Variants in IMMP2L observed in about 807,000 individuals in gnomAD.
IMMP2L encodes mitochondrial inner membrane protease subunit 2.
IMMP2L carries 18 observed loss-of-function variants against 19.3 expected under a neutral mutation model. The ratio of observed to expected loss-of-function variants is 0.93; its 90% confidence interval spans 0.64 to 1.38. The LOEUF (loss-of-function observed/expected upper bound fraction) is 1.38. Among genes scored for constraint, IMMP2L ranks in the 40% most tolerant of loss-of-function variants. The pLI, the probability that IMMP2L is intolerant of heterozygous loss-of-function variation, is 0.00. For missense variants in IMMP2L, 233 were observed against 218.2 expected, an observed-to-expected ratio of 1.07 and a Z score of -0.43; for synonymous variants, 76 against 73.0, an observed-to-expected ratio of 1.04 and a Z score of -0.21.
At chr7:111,072,086 A>C (rs556030806) in intron 3 of IMMP2L, among the ~76,000 whole-genome samples, 1 of 152,294 alleles carries the variant, frequency 6.6e-6, no homozygotes, top group East Asian at 1.9e-4. Flanking sequence ...CTTACAACTC[A>C]TTGTTGGGAA....
At chr7:110,987,716 G>A (rs1822006358) in intron 3 of IMMP2L, among the ~76,000 whole-genome samples, 1 of 152,164 alleles carries the variant, frequency 6.6e-6, no homozygotes, top group African/African-American at 2.4e-5. Flanking sequence ...GTGTGCAGGT[G>A]TCGAAATGTC....
At chr7:111,104,833 A>G in intron 3 of IMMP2L, among the ~76,000 whole-genome samples, 1 of 151,800 alleles carries the variant, frequency 6.6e-6, no homozygotes, top group South Asian at 2.1e-4. Context: ...GGCAAAATCT[A>G]TTTAGAACGA....
At chr7:110,883,873 A>G (rs1353492475) in intron 5 of IMMP2L, among the ~76,000 whole-genome samples, 1 of 151,566 alleles carries the variant, frequency 6.6e-6, no homozygotes, top group Non-Finnish European at 1.5e-5. Context: ...TGATAGAAAA[A>G]CTTCAAAGTG....
chr7:111,344,266 C>A (rs1827314925), intron 3 of IMMP2L, among the ~76,000 whole-genome samples: 1 of 152,158 alleles, frequency 6.6e-6, no homozygotes, highest in Non-Finnish European at 1.5e-5. Context: ...ATGGCCTCCT[C>A]CAGATCTTGC....
intron 3 of IMMP2L, among the ~76,000 whole-genome samples, chr7:111,211,653 A>G (rs888020052): frequency 7.2e-5 from 11 of 152,202 alleles, no homozygotes; most frequent in African/African-American, 2.4e-4. Context: ...ACCTGGAAAA[A>G]GACAGAAAAC....
chr7:110,693,519 G>A (rs1346683613), intron 5 of IMMP2L, among the ~76,000 whole-genome samples: 1 of 152,166 alleles, frequency 6.6e-6, no homozygotes, highest in African/African-American at 2.4e-5. Context: ...ATGGGAACAG[G>A]ACTTTGCTTT....
chr7:111,295,867 A>G (rs1401344290), intron 3 of IMMP2L, among the ~76,000 whole-genome samples: 10 of 151,802 alleles, frequency 6.6e-5, no homozygotes, highest in Admixed American at 4.6e-4. Context: ...ATCAACAAAA[A>G]TTAACTCTAA....
At chr7:111,037,221 T>C (rs924641408) in intron 3 of IMMP2L, among the ~76,000 whole-genome samples, 3 of 152,166 alleles carry the variant, frequency 2.0e-5, no homozygotes, top group Non-Finnish European at 4.4e-5. Flanking sequence ...ATATACATAG[T>C]ATGGAACATT....
intron 4 of IMMP2L, among the ~76,000 whole-genome samples, chr7:110,928,782 C>T (rs577262104): frequency 6.6e-6 from 1 of 152,166 alleles, no homozygotes; most frequent in South Asian, 2.1e-4. Context: ...TTGCTGAATC[C>T]TTCCTTTTTC....
At chr7:111,516,047 A>C (rs1563298810) in intron 2 of IMMP2L, among the ~76,000 whole-genome samples, 1 of 152,252 alleles carries the variant, frequency 6.6e-6, no homozygotes, top group East Asian at 1.9e-4. Flanking sequence ...GAGTTCCAAA[A>C]TTCAATGATT....
intron 5 of IMMP2L, among the ~76,000 whole-genome samples, chr7:110,784,679 T>A (rs1201443955): frequency 6.6e-6 from 1 of 151,972 alleles, no homozygotes; most frequent in Non-Finnish European, 1.5e-5. Flanking sequence ...ATTCATGCAG[T>A]GGTCTTCATC....
At chr7:111,453,403 C>T (rs896688840) in intron 3 of IMMP2L, among the ~76,000 whole-genome samples, 3 of 152,138 alleles carry the variant, frequency 2.0e-5, no homozygotes, top group African/African-American at 7.2e-5. Context: ...ATCAGCACGG[C>T]CCTTCAAAAA....
intron 5 of IMMP2L, among the ~76,000 whole-genome samples, chr7:110,791,216 T>C (rs1018593311): frequency 5.3e-5 from 8 of 151,650 alleles, no homozygotes; most frequent in Non-Finnish European, 1.2e-4. Flanking sequence ...AGTTGATGAC[T>C]AGGATCATTA....
intron 3 of IMMP2L, among the ~76,000 whole-genome samples, chr7:111,194,171 G>T (rs1809212672): frequency 6.6e-6 from 1 of 152,178 alleles, no homozygotes; most frequent in East Asian, 1.9e-4. Flanking sequence ...AGGACTGTGA[G>T]CCCCTGAAGA....
intron 4 of IMMP2L, among the ~76,000 whole-genome samples, chr7:110,908,388 A>T (rs994612377): frequency 2.0e-5 from 3 of 152,300 alleles, no homozygotes; most frequent in South Asian, 2.1e-4. Flanking sequence ...TAACTGATTT[A>T]GCATTCACTC....
At chr7:110,851,737 T>C (rs759904422) in intron 5 of IMMP2L, among the ~76,000 whole-genome samples, 56 of 152,204 alleles carry the variant, frequency 3.7e-4, no homozygotes, top group Non-Finnish European at 7.5e-4. Context: ...ATCTGAAAAA[T>C]TCTTAGCTAA....
intron 3 of IMMP2L, among the ~76,000 whole-genome samples, chr7:111,172,929 C>T (rs1404726500): frequency 1.3e-5 from 2 of 151,432 alleles, no homozygotes; most frequent in South Asian, 2.1e-4. Context: ...ACCACTGTGC[C>T]GATAATCTAT....
At chr7:111,053,459 G>A (rs1793201237) in intron 3 of IMMP2L, among the ~76,000 whole-genome samples, 1 of 152,174 alleles carries the variant, frequency 6.6e-6, no homozygotes, top group Admixed American at 6.6e-5. Flanking sequence ...GTACATGCTT[G>A]AGCTCACTCA....
At chr7:111,389,180 A>T (rs940156066) in intron 3 of IMMP2L, among the ~76,000 whole-genome samples, 2 of 152,168 alleles carry the variant, frequency 1.3e-5, no homozygotes, top group African/African-American at 4.8e-5. Context: ...CAACTTATTC[A>T]TAAGGAAACA....
Sources: gnomAD v4.1 joint callset for allele counts (sites outside exome capture counted in the v4.1 genomes callset) on GRCh38, gnomAD v4.1.1 for gene constraint, MANE v1.5 for transcripts, NCBI Gene and HGNC (gene_info 2026-07-23, HGNC 2026-07-21) for gene names.